The following ZNF335 variants were observed in gnomAD, a reference collection of about 807,000 sequenced individuals.
ZNF335 encodes the protein zinc finger protein 335.
ZNF335 carries 84 observed loss-of-function variants against 145.6 expected under a neutral mutation model. The ratio of observed to expected loss-of-function variants is 0.58; its 90% confidence interval spans 0.48 to 0.69. ZNF335 has a LOEUF of 0.69. Among genes scored for constraint, ZNF335 ranks in the 30% least tolerant of loss-of-function variants. ZNF335 has a pLI of 0.00. For synonymous variants in ZNF335, 761 were observed against 717.0 expected (o/e 1.06, Z -0.98); for missense variants, 1,865 against 1,809.7 (o/e 1.03, Z -0.55).
chr20:45,958,050 CTT>C, intron 15 of ZNF335, 122 bp from the exon 16 acceptor site: 2 of 731,938 alleles, frequency 2.7e-6, no homozygotes, highest in African/African-American at 1.9e-5. Context: ...TTCATAACCA[CTT>C]TTCTTTTTTT....
rs781338400 is a variant in ZNF335 at position 45,957,712 on chromosome 20, T to A, written c.2348-32A>T. 105 of 1,613,168 alleles carry A rather than the reference T, an allele frequency of 6.5e-5. 1 individual carries two copies. Among genetic ancestry groups the A allele is most frequent in the Non-Finnish European group, 7.6e-5 (90 of 1,179,362 alleles). ...GGGGTGGGACCTAAGCCTGACAAAG[T>A]GCTAGAAAACTGGCACCCAATACCA... On this transcript the variant is annotated intron_variant, in intron 16 of 27. Transcript: ENST00000322927.
rs1240875896 is a variant in ZNF335 at position 45,963,925 on chromosome 20, C to T, written c.1168G>A (p.Glu390Lys). ...GQSPPEPQDP[E>K]APSSSGPGHL... The stretch of plus-strand genomic sequence containing the variant: ...CCTGGGCCTGAGGAGCTGGGAGCCT[C>T]GGGATCCTGTGGCTCTGGAGGGCTC... Residue 390 changes from glutamate to lysine, a missense_variant, in exon 8 of 28, where the codon GAG (glutamate) becomes AAG (lysine). By Grantham distance (56) the Glu-to-Lys change is moderately conservative (BLOSUM62 1). Transcript: ENST00000322927. 1.8e-5 allele frequency: 28 copies of T among 1,569,412 alleles called. No homozygotes were observed. Among genetic ancestry groups the T allele is most frequent in the South Asian group, 3.6e-5 (3 of 84,146 alleles).
intron 24 of ZNF335, 111 bp downstream of exon 24, chr20:45,949,689 A>T: frequency 6.8e-7 from 1 of 1,466,002 alleles, no homozygotes; most frequent in Non-Finnish European, 9.4e-7. Context: ...AGTTGTTGGC[A>T]AGCATGGACC....
rs560591626 is a variant in ZNF335, at chr20:45,963,834, G to A, written c.1259C>T (p.Ala420Val). Reference sequence around the variant, plus strand: ...CGGGCAGGAGGGGGCTGCGTTCTCTGCATCTGACTGGCTCACACCAGCTTC... The same window carrying A: ...CGGGCAGGAGGGGGCTGCGTTCTCTACATCTGACTGGCTCACACCAGCTTC... ...PVEAGVSQSD[A>V]ENAAPSCPDE... is the part of the protein sequence containing the mutation. Residue 420 changes from alanine (A) to valine (V), a missense_variant, in exon 8 of 28, where the codon GCA becomes GTA. By Grantham distance (64) the Ala-to-Val change is moderately conservative. Coordinates refer to ENST00000322927, the MANE Select transcript of ZNF335 (RefSeq NM_022095.4). 4 of 1,613,724 alleles carry A rather than the reference G, an allele frequency of 2.5e-6. No individual in the cohort carries two copies. Among genetic ancestry groups the A allele is most frequent in the African/African-American group, 2.7e-5 (2 of 75,066 alleles).
Position 45,969,629 on chromosome 20 carries a change from T to C in ZNF335, c.264A>G (p.Ser88=), listed in dbSNP as rs372650580. The change falls in exon 3 of 28, where the codon TCA becomes TCG. Residue 88 remains serine (S), a synonymous_variant. Transcript: ENST00000322927. ...DPLPNSYLPD[S]SSVSHGPVAG... is the part of the protein sequence containing the mutation. ...CCACTGGCCCATGAGACACAGACGATGAATCAGGGAGGTAGCTATTAGGCA... is the reference window on the plus strand; with the variant it reads ...CCACTGGCCCATGAGACACAGACGACGAATCAGGGAGGTAGCTATTAGGCA... 6.2e-7 allele frequency: 1 copy of C among 1,610,990 alleles called. No individual in the cohort carries two copies.
intron 17 of ZNF335, among the ~76,000 whole-genome samples, chr20:45,955,890 G>GA (rs369863045): frequency 5.9e-5 from 9 of 152,022 alleles, no homozygotes; most frequent in African/African-American, 2.2e-4. Flanking sequence ...AATATAAAAC[G>GA]AAAGAACCCA....
chr20:45,961,956 T>C (rs981431799), intron 10 of ZNF335, 114 bp downstream of exon 10: 5 of 839,484 alleles, frequency 6.0e-6, no homozygotes, highest in Non-Finnish European at 9.5e-6. Flanking sequence ...GTGCAGCAAA[T>C]GGGGCTGGCT....
Position 45,967,585 on chromosome 20 carries a change from C to A in ZNF335, c.864G>T (p.Trp288Cys). The A allele has an allele frequency of 6.2e-7, 1 of 1,614,026 alleles. No individual in the cohort carries two copies. Among genetic ancestry groups the A allele is most frequent in the Non-Finnish European group, 8.5e-7 (1 of 1,179,952 alleles). Residue 288 changes from tryptophan to cysteine, a missense_variant, in exon 6 of 28, where the codon TGG becomes TGT. By Grantham distance (215) the Trp-to-Cys change is radical. Transcript: ENST00000322927. The part of the protein sequence containing the change: ...AAGKKGRLRK[W>C]STSTKSQEEE... ...CCTCTTGGCTCTTGGTGGAGGTGCT[C>A]CACTTCCGTAGACGTCCTTTTTTAC...
Position 45,959,365 on chromosome 20 carries a change from C to A in ZNF335, c.2089G>T (p.Val697Leu). ...AAGCTGCTTGCGTGTCGGCACCGTA[C>A]GTGCAGGCGCAGGTTCTTCTTGTGC... is the stretch of plus-strand genomic sequence containing the variant. ...TRHKKNLRLHVRCRHASSFEE... is the reference protein window; with the variant it reads ...TRHKKNLRLHLRCRHASSFEE... The change falls in exon 15 of 28, where the codon GTA (valine) becomes TTA (leucine). Residue 697 changes from valine to leucine, a missense_variant. Val to Leu is a conservative substitution (Grantham distance 32, BLOSUM62 1). Transcript: ENST00000322927. 6.3e-7 allele frequency: 1 copy of A among 1,581,130 alleles called. No individual in the cohort carries two copies. The highest frequency in any genetic ancestry group is 8.6e-7 in the Non-Finnish European group (1 of 1,159,876).
chr20:45,961,247 C>T (rs1789574194), intron 10 of ZNF335, among the ~76,000 whole-genome samples: 1 of 152,100 alleles, frequency 6.6e-6, no homozygotes, highest in African/African-American at 2.4e-5. Flanking sequence ...AAAAGTTAGC[C>T]GGGTGTGCTG....
rs752666724 is a variant in ZNF335 at position 45,969,525 on chromosome 20, G to A, written c.368C>T (p.Thr123Ile). Reference protein sequence around the residue: ...PDPNMLVSDCTASSSDLGSAI... With the variant: ...PDPNMLVSDCIASSSDLGSAI... ...CGAGCCCAGGTCCGAGGAGGAAGCT[G>A]TGCAGTCGGACACCAGCATGTTGGG... Residue 123 changes from threonine to isoleucine, a missense_variant, in exon 3 of 28, where the codon ACA becomes ATA. By Grantham distance (89) the Thr-to-Ile change is moderately conservative. Transcript: ENST00000322927. 16 of 1,588,286 alleles carry A rather than the reference G, an allele frequency of 1.0e-5. No homozygotes were observed. Among genetic ancestry groups the A allele is most frequent in the Non-Finnish European group, 1.3e-5 (15 of 1,159,264 alleles).
chr20:45,966,573 C>T (rs1324469222), intron 6 of ZNF335, among the ~76,000 whole-genome samples: 2 of 144,722 alleles, frequency 1.4e-5, no homozygotes, highest in South Asian at 2.2e-4. Context: ...TTTTCTGAGA[C>T]AGAGTCTTGC....
At position 45,949,587 on chromosome 20, in the gene ZNF335, G is replaced by C; in HGVS notation, c.3670-19C>G. On this transcript the variant is annotated intron_variant, in intron 24 of 27. Coordinates refer to ENST00000322927, the MANE Select transcript of ZNF335 (RefSeq NM_022095.4). Reference sequence around the variant, plus strand: ...ACTGCACCTGTTGGTGGGGGGGGCGGGCATGGCGAGGCAGGTGCTGAGGCC... The same window carrying C: ...ACTGCACCTGTTGGTGGGGGGGGCGCGCATGGCGAGGCAGGTGCTGAGGCC... The C allele has an allele frequency of 1.3e-6, 2 of 1,597,520 alleles. No individual in the cohort carries two copies. The highest frequency in any genetic ancestry group is 1.7e-6 in the Non-Finnish European group (2 of 1,172,868).
chr20:45,958,055 CTTTTTT>C, intron 15 of ZNF335, 127 bp from the exon 16 acceptor site: 1 of 583,478 alleles, frequency 1.7e-6, no homozygotes, highest in Non-Finnish European at 3.0e-6. Context: ...AACCACTTTT[CTTTTTT>C]TTTTTTTGAG....
intron 10 of ZNF335, among the ~76,000 whole-genome samples, 198 bp from the exon 11 acceptor site, chr20:45,961,080 A>G (rs1308979486): frequency 6.6e-6 from 1 of 152,192 alleles, no homozygotes; most frequent in Non-Finnish European, 1.5e-5. Context: ...TCTGCACTCA[A>G]ATATATTTGT....
chr20:45,964,252 C>G (rs376578158), intron 7 of ZNF335: 19 of 400,252 alleles, frequency 4.7e-5, no homozygotes, highest in East Asian at 2.7e-4. Context: ...GTCAGGAGAC[C>G]TGGGTTCCAG....
chr20:45,963,535 C>T lies in ZNF335; in HGVS notation c.1471G>A (p.Asp491Asn), dbSNP rs754669594. 18 of 1,614,060 alleles carry T rather than the reference C, an allele frequency of 1.1e-5. No individual in the cohort carries two copies. Among genetic ancestry groups the T allele is most frequent in the African/African-American group, 9.3e-5 (7 of 74,914 alleles). ...TGCAGGCACTTGAAGAGCTGGGGAT[C>T]GCCAGCCTCATGGGAGTTGACGTGG... ...RFHVNSHEAGDPQLFKCLQCS... is the reference protein window; with the variant it reads ...RFHVNSHEAGNPQLFKCLQCS... The change falls in exon 9 of 28, where the codon GAT (aspartate) becomes AAT (asparagine). Residue 491 changes from aspartate to asparagine, a missense_variant. By Grantham distance (23) the Asp-to-Asn change is conservative (BLOSUM62 1). Transcript: ENST00000322927.
At chr20:45,956,395 A>G (rs796906578) in intron 17 of ZNF335, among the ~76,000 whole-genome samples, 6 of 152,034 alleles carry the variant, frequency 3.9e-5, no homozygotes, top group African/African-American at 1.4e-4. Context: ...CGCCCAGCTA[A>G]TTTTGTATTT....
At position 45,969,676 on chromosome 20, in the gene ZNF335, T is replaced by C. The variant is rs2084023154; in HGVS notation, c.217A>G (p.Ser73Gly). The change falls in exon 3 of 28, where the codon AGC (serine) becomes GGC (glycine). Residue 73 changes from serine to glycine, a missense_variant. Ser to Gly is a moderately conservative substitution (Grantham distance 56, BLOSUM62 0). Coordinates refer to ENST00000322927, the MANE Select transcript of ZNF335 (RefSeq NM_022095.4). ...GGCAGGGGGTCTGCGCTCGAGCTGC[T>C]CTCAGATACCTCCTCCTGAGGGGCA... ...GSRSQEEVSE[S>G]SSSADPLPNS... 2 of 1,611,652 alleles carry C rather than the reference T, an allele frequency of 1.2e-6. No individual in the cohort carries two copies. The highest frequency in any genetic ancestry group is 1.7e-6 in the Non-Finnish European group (2 of 1,179,110).
Sources: gnomAD v4.1 joint callset for allele counts (sites outside exome capture counted in the v4.1 genomes callset) on GRCh38, gnomAD v4.1.1 for gene constraint, MANE v1.5 for transcripts, NCBI Gene and HGNC (gene_info 2026-07-23, HGNC 2026-07-21) for gene names.